Variants in LCA5 observed in about 807,000 individuals in gnomAD.
The protein encoded by LCA5 is lebercilin LCA5, also known as lebercilin.
LCA5 carries 37 observed loss-of-function variants against 53.0 expected under a neutral mutation model. The ratio of observed to expected loss-of-function variants is 0.70; its 90% CI spans 0.54 to 0.92. LCA5 has a LOEUF of 0.92. Ranked by LOEUF, LCA5 falls within the 40% of genes least tolerant of loss-of-function variation. The probability of loss-of-function intolerance (pLI) is 0.00; values close to 1 mark genes in which losing one functional copy is unlikely to be tolerated. For synonymous variants in LCA5, 303 were observed against 282.9 expected (o/e 1.07, Z -0.71); for missense variants, 806 against 790.5 (o/e 1.02, Z -0.23).
At chr6:79,493,251 T>C (rs2127669498) in intron 4 of LCA5, among the ~76,000 whole-genome samples, 2 of 152,286 alleles carry the variant, frequency 1.3e-5, no homozygotes, top group Middle Eastern at 6.8e-3. Context: ...AGGGCATCAT[T>C]TGAAACAACT....
upstream of LCA5, among the ~76,000 whole-genome samples, chr6:79,538,034 T>G (rs1430027074): frequency 5.6e-4 from 77 of 136,336 alleles, 3 homozygotes; most frequent in East Asian, 0.014. Flanking sequence ...TTTTTTTTTT[T>G]TTTTTTTTTT....
At chr6:79,528,999 T>C (rs1766874444) in intron 1 of LCA5, among the ~76,000 whole-genome samples, 1 of 152,126 alleles carries the variant, frequency 6.6e-6, no homozygotes, top group Non-Finnish European at 1.5e-5. Context: ...CATTTAGGGG[T>C]TGGCTAGAAA....
rs1769899065 is a variant in LCA5, at chr6:79,493,594, T to C, written c.858+19A>G. On this transcript the variant is annotated intron_variant, in intron 4 of 7. Coordinates refer to ENST00000369846, the MANE Select transcript of LCA5 (RefSeq NM_001122769.3). ...GTCTAATACACATTATGGAAAACAA[T>C]GCAATTTAAAATACTTACCTTTAAT... 3.7e-6 allele frequency: 6 copies of C among 1,602,098 alleles called. No individual in the cohort carries two copies. Among genetic ancestry groups the C allele is most frequent in the Non-Finnish European group, 5.1e-6 (6 of 1,169,606 alleles).
chr6:79,537,872 A>G (rs1311646686), upstream of LCA5, among the ~76,000 whole-genome samples: 1 of 152,106 alleles, frequency 6.6e-6, no homozygotes, highest in Non-Finnish European at 1.5e-5. Context: ...TGGCTGATTC[A>G]GGAGGATGCG....
rs570777846 is a variant in LCA5, at chr6:79,513,485, C to A, written c.447G>T (p.Lys149Asn). 2 of 1,613,942 alleles carry A rather than the reference C, an allele frequency of 1.2e-6. No individual in the cohort carries two copies. Among genetic ancestry groups the A allele is most frequent in the South Asian group, 2.2e-5 (2 of 91,076 alleles). Reference protein sequence around the residue: ...LQYRQEKALNKFEDAENEISQ... With the variant: ...LQYRQEKALNNFEDAENEISQ... Reference sequence around the variant, plus strand: ...AGATTTCATTTTCGGCATCTTCAAACTTATTCAGGGCTTTCTCCTGTCTGT... The same window carrying A: ...AGATTTCATTTTCGGCATCTTCAAAATTATTCAGGGCTTTCTCCTGTCTGT... The change falls in exon 3 of 8, where the codon AAG becomes AAT. Residue 149 changes from lysine (K) to asparagine (N), a missense_variant. Transcript: ENST00000369846.
chr6:79,492,706 C>A, intron 4 of LCA5, 59 bp from the exon 5 acceptor site: 1 of 872,136 alleles, frequency 1.1e-6, no homozygotes. Context: ...CAAAACAAAA[C>A]CCCTCACTTT....
chr6:79,509,914 T>C (rs1004767552), intron 3 of LCA5, among the ~76,000 whole-genome samples: 2 of 152,210 alleles, frequency 1.3e-5, no homozygotes, highest in African/African-American at 4.8e-5. Context: ...ACAGTAAAGA[T>C]GTCAATTCTC....
chr6:79,528,388 C>A (rs1766855086), intron 1 of LCA5, among the ~76,000 whole-genome samples: 1 of 152,102 alleles, frequency 6.6e-6, no homozygotes, highest in African/African-American at 2.4e-5. Context: ...CTCAGCTCTC[C>A]ACATACCCAG....
chr6:79,502,738 C>T (rs1369043300), intron 3 of LCA5, among the ~76,000 whole-genome samples: 2 of 152,052 alleles, frequency 1.3e-5, no homozygotes, highest in Non-Finnish European at 2.9e-5. Flanking sequence ...ATAAGAGGAA[C>T]CTATTACTCA....
rs1239516074 is a variant in LCA5, at chr6:79,513,224, C to G, written c.708G>C (p.Glu236Asp). ...VSAELKLDDTERRIKELSKNL... is the reference protein window; with the variant it reads ...VSAELKLDDTDRRIKELSKNL... ...GTAGAAATTGTACCTTAATTCTTCT[C>G]TCGGTGTCATCTAACTTTAACTCTG... The change falls in exon 3 of 8, where the codon GAG (glutamate) becomes GAC (aspartate). Residue 236 changes from glutamate to aspartate, a missense_variant. Physicochemically the swap from Glu to Asp is conservative, Grantham distance 45. Coordinates refer to ENST00000369846, the MANE Select transcript of LCA5 (RefSeq NM_001122769.3). The G allele has an allele frequency of 6.2e-7, 1 of 1,613,288 alleles. No homozygotes were observed. Among genetic ancestry groups the G allele is most frequent in the Non-Finnish European group, 8.5e-7 (1 of 1,179,530 alleles).
intron 1 of LCA5, among the ~76,000 whole-genome samples, chr6:79,526,167 A>G (rs73473982): frequency 0.012 from 1,763 of 152,322 alleles, 36 homozygotes; most frequent in African/African-American, 0.04. Flanking sequence ...TTTGCTGGTA[A>G]TCATAAATCA....
At chr6:79,489,768 T>C (rs1769785942) in intron 6 of LCA5, among the ~76,000 whole-genome samples, 1 of 152,116 alleles carries the variant, frequency 6.6e-6, no homozygotes. Context: ...AAATATCTAT[T>C]ATTAGTAAAG....
chr6:79,513,518 C>T lies in LCA5; in HGVS notation c.414G>A (p.Arg138=). 6.2e-7 allele frequency: 1 copy of T among 1,613,844 alleles called. No homozygotes were observed. Among genetic ancestry groups the T allele is most frequent in the Non-Finnish European group, 8.5e-7 (1 of 1,179,872 alleles). The part of the protein sequence containing the change: ...ELLKENKSLK[R]LQYRQEKALN... ...GGGCTTTCTCCTGTCTGTACTGAAGCCTTTTCAAAGATTTATTTTCTTTTA... is the reference window on the plus strand; with the variant it reads ...GGGCTTTCTCCTGTCTGTACTGAAGTCTTTTCAAAGATTTATTTTCTTTTA... Residue 138 remains arginine, a synonymous_variant, in exon 3 of 8, where the codon AGG becomes AGA. Transcript: ENST00000369846.
intron 1 of LCA5, among the ~76,000 whole-genome samples, chr6:79,529,203 C>A (rs775530971): frequency 6.6e-6 from 1 of 152,086 alleles, no homozygotes; most frequent in Non-Finnish European, 1.5e-5. Context: ...TATTAGAAAC[C>A]AAATTAAACT....
chr6:79,506,812 G>T (rs1235059539), intron 3 of LCA5, among the ~76,000 whole-genome samples: 1 of 152,072 alleles, frequency 6.6e-6, no homozygotes, highest in Non-Finnish European at 1.5e-5. Context: ...ATACAATGGG[G>T]TTTTCCAAAG....
rs569585490 is a variant in LCA5, at chr6:79,518,609, A to C, written c.190+96T>G. 2.7e-5 allele frequency: 30 copies of C among 1,115,048 alleles called. No individual in the cohort carries two copies. In the South Asian group the frequency reaches 3.7e-4, roughly 14 times the overall value. The allele number at this position is 1,115,048 out of a possible 1,614,324, so 69.1% of individuals were successfully genotyped here. A position where few individuals can be genotyped will look rare whatever the true frequency, so the allele number is the denominator to read the frequency against. Reference sequence around the variant, plus strand: ...AGCCCACTTCCATGTATACAACAACATATATACTAATAAAAGAGTATCATG... The same window carrying C: ...AGCCCACTTCCATGTATACAACAACCTATATACTAATAAAAGAGTATCATG... On this transcript the variant is annotated intron_variant, in intron 2 of 7. Transcript: ENST00000369846.
intron 3 of LCA5, among the ~76,000 whole-genome samples, chr6:79,495,113 T>C (rs1021822170): frequency 6.6e-6 from 1 of 152,186 alleles, no homozygotes; most frequent in Non-Finnish European, 1.5e-5. Context: ...TCCTGTCAGA[T>C]CAGCAACAGC....
intron 1 of LCA5, among the ~76,000 whole-genome samples, chr6:79,536,676 T>G (rs1394866960): frequency 6.6e-6 from 1 of 152,220 alleles, no homozygotes; most frequent in East Asian, 1.9e-4. Flanking sequence ...CTAACCACAG[T>G]TTTAATAATA....
At chr6:79,508,816 T>C (rs753683861) in intron 3 of LCA5, among the ~76,000 whole-genome samples, 3 of 152,144 alleles carry the variant, frequency 2.0e-5, no homozygotes, top group African/African-American at 7.2e-5. Context: ...CTTAATCAGT[T>C]AGTGGTTTGA....
Sources: allele counts gnomAD v4.1 joint callset (sites outside exome capture counted in the v4.1 genomes callset), GRCh38; gene constraint gnomAD v4.1.1; transcripts MANE v1.5; gene names NCBI Gene and HGNC (gene_info 2026-07-23, HGNC 2026-07-21).